ATP8B4: variants seen among roughly 807,000 people sequenced by gnomAD.
ATP8B4 encodes ATPase phospholipid transporting 8B4 (putative).
Under a neutral mutation model 145.6 loss-of-function variants are expected in ATP8B4, and 133 were observed. That is an observed-to-expected ratio of 0.91 (90% CI 0.79 to 1.05). ATP8B4 has a LOEUF of 1.05. Ranked by LOEUF, ATP8B4 falls within the 50% of genes least tolerant of loss-of-function variation. The pLI is 0.00. For missense variants in ATP8B4, 1,458 were observed against 1,425.2 expected (o/e 1.02, Z -0.37); for synonymous variants, 507 against 492.9 (o/e 1.03, Z -0.38).
chr15:50,086,044 T>TAA (rs2055005635), intron 2 of ATP8B4, among the ~76,000 whole-genome samples: 1 of 106,906 alleles, frequency 9.4e-6, no homozygotes, highest in Non-Finnish European at 1.7e-5. Context: ...TATAATATAA[T>TAA]ATATAGATCT....
At chr15:49,927,948 T>G (rs1226868436) in intron 16 of ATP8B4, among the ~76,000 whole-genome samples, 1 of 152,140 alleles carries the variant, frequency 6.6e-6, no homozygotes, top group African/African-American at 2.4e-5. Flanking sequence ...TAGTTTCTAG[T>G]AGTTAGAGAC....
At chr15:50,147,665 C>T (rs575831299) in intron 1 of ATP8B4, among the ~76,000 whole-genome samples, 1 of 152,020 alleles carries the variant, frequency 6.6e-6, no homozygotes, top group Non-Finnish European at 1.5e-5. Context: ...AAAAGCTGAT[C>T]GGGACCTGCC....
In ATP8B4 at chr15:49,862,318, G is replaced by T; in HGVS notation, c.3224C>A (p.Thr1075Lys). The change falls in exon 27 of 28, where the codon ACA (threonine) becomes AAA (lysine). Residue 1075 changes from threonine (T) to lysine (K), a missense_variant. Physicochemically the swap from Thr to Lys is moderately conservative, Grantham distance 78. Transcript: ENST00000284509. ...KCIWLVILLT[T>K]VASVMPVVAF... ...CACCACTGGCATAACTGAAGCCACT[G>T]TTGTTAAGAGAATTACAAGCCAGAT... is the stretch of plus-strand genomic sequence containing the variant. 2 of 1,613,838 alleles carry T rather than the reference G, an allele frequency of 1.2e-6. No individual in the cohort carries two copies. The highest frequency in any genetic ancestry group is 1.3e-5 in the African/African-American group (1 of 75,054).
chr15:49,972,176 A>G (rs1459707006), intron 13 of ATP8B4, among the ~76,000 whole-genome samples: 4 of 152,164 alleles, frequency 2.6e-5, no homozygotes, highest in Non-Finnish European at 5.9e-5. Context: ...AATGTAGACG[A>G]CGGGTTGATG....
At chr15:50,076,486 A>C (rs2054181917) in intron 2 of ATP8B4, among the ~76,000 whole-genome samples, 1 of 149,392 alleles carries the variant, frequency 6.7e-6, no homozygotes, top group Non-Finnish European at 1.5e-5. Context: ...GCAAGACTCC[A>C]TCTCAAAAAA....
In ATP8B4 at chr15:49,860,151, C is replaced by T. The variant is rs1479288152; in HGVS notation, c.*43G>A. 1.9e-6 allele frequency: 3 copies of T among 1,554,938 alleles called. No individual in the cohort carries two copies. Among genetic ancestry groups the T allele is most frequent in the African/African-American group, 2.7e-5 (2 of 73,000 alleles). ...TGGAGCCAGCAGAATTTCAGCTCCA[C>T]CTGAAGTGAAAAGATAACTACGTGG... On this transcript the variant is annotated 3_prime_UTR_variant, in exon 28 of 28. Transcript: ENST00000284509.
At chr15:49,947,689 G>A (rs1057396893) in intron 14 of ATP8B4, among the ~76,000 whole-genome samples, 3 of 152,070 alleles carry the variant, frequency 2.0e-5, no homozygotes, top group Non-Finnish European at 4.4e-5. Flanking sequence ...GAAGGACCAA[G>A]CTGGGGTCCT....
At chr15:50,031,568 G>GT (rs11301413) in intron 6 of ATP8B4, among the ~76,000 whole-genome samples, 12 of 151,768 alleles carry the variant, frequency 7.9e-5, no homozygotes, top group Non-Finnish European at 1.6e-4. Context: ...TGATCTTTGG[G>GT]TTTTTTTTTG....
In ATP8B4 at chr15:49,879,453, A is replaced by C. The variant is rs1192510930; in HGVS notation, c.2704T>G (p.Tyr902Asp). 2 of 1,602,838 alleles carry C rather than the reference A, an allele frequency of 1.2e-6. No individual in the cohort carries two copies. The highest frequency in any genetic ancestry group is 8.5e-7 in the Non-Finnish European group (1 of 1,171,418). The change falls in exon 24 of 28, where the codon TAT (tyrosine) becomes GAT (aspartate). Residue 902 changes from tyrosine to aspartate, a missense_variant. Coordinates refer to ENST00000284509, the MANE Select transcript of ATP8B4 (RefSeq NM_024837.4). ...AAAAGGGTGATGAACCACTGGTCAT[A>C]AACAGTCTGAAAAGAAATATAACAT... Reference protein sequence around the residue: ...FFCGFSAQTVYDQWFITLFNI... With the variant: ...FFCGFSAQTVDDQWFITLFNI...
intron 14 of ATP8B4, among the ~76,000 whole-genome samples, chr15:49,950,935 T>C: frequency 6.6e-6 from 1 of 152,218 alleles, no homozygotes; most frequent in Admixed American, 6.5e-5. Flanking sequence ...ACTTCTTGAT[T>C]TCTGCCTTAA....
At chr15:50,058,144 C>T (rs541157190) in intron 3 of ATP8B4, among the ~76,000 whole-genome samples, 1 of 152,302 alleles carries the variant, frequency 6.6e-6, no homozygotes, top group Non-Finnish European at 1.5e-5. Flanking sequence ...TGTTTGCCTC[C>T]TATCTCTGCT....
chr15:50,162,419 ATCTC>A (rs1399749196), intron 1 of ATP8B4, among the ~76,000 whole-genome samples: 8 of 151,922 alleles, frequency 5.3e-5, no homozygotes, highest in Non-Finnish European at 7.4e-5. Context: ...TTCCAGTACA[ATCTC>A]TCTATCTCCT....
In ATP8B4 at chr15:49,897,665, T is replaced by C. The variant is rs2037558035; in HGVS notation, c.2474-150A>G. 3 of 702,924 alleles carry C rather than the reference T, an allele frequency of 4.3e-6. No individual in the cohort carries two copies. The South Asian group carries it at 1.1e-4, about 27-fold the overall frequency. The allele number at this position is 702,924 out of a possible 1,614,324, so 43.5% of individuals were successfully genotyped here. ...TATCTGATGAAACACTTATGATAGA[T>C]ATTTCTCTTAGTTTTACAAAAGAGA... On this transcript the variant is annotated intron_variant, in intron 22 of 27. Coordinates refer to ENST00000284509, the MANE Select transcript of ATP8B4 (RefSeq NM_024837.4).
intron 1 of ATP8B4, among the ~76,000 whole-genome samples, chr15:50,174,165 T>C (rs2044729103): frequency 6.6e-6 from 1 of 152,158 alleles, no homozygotes; most frequent in East Asian, 1.9e-4. Flanking sequence ...AAGCCATCTA[T>C]GACAAACCCA....
chr15:50,071,162 G>A (rs2053708848), intron 3 of ATP8B4, among the ~76,000 whole-genome samples: 1 of 152,196 alleles, frequency 6.6e-6, no homozygotes, highest in African/African-American at 2.4e-5. Context: ...AGCCACACAT[G>A]TGCGTGCTTT....
intron 9 of ATP8B4, among the ~76,000 whole-genome samples, chr15:49,994,946 C>A (rs2153553483): frequency 6.6e-6 from 1 of 152,180 alleles, no homozygotes; most frequent in South Asian, 2.1e-4. Flanking sequence ...TTCATCTTAC[C>A]CTTAGCCCAG....
At chr15:50,072,870 T>C in intron 3 of ATP8B4, among the ~76,000 whole-genome samples, 1 of 144,314 alleles carries the variant, frequency 6.9e-6, no homozygotes, top group Non-Finnish European at 1.5e-5. Context: ...TCTGCCCACC[T>C]TGGCCTCCCA....
intron 3 of ATP8B4, among the ~76,000 whole-genome samples, chr15:50,057,049 G>T (rs2052662568): frequency 6.6e-6 from 1 of 152,052 alleles, no homozygotes. Flanking sequence ...TTTTACAAGT[G>T]AGGAACATGC....
chr15:50,076,888 T>A (rs887232864), intron 2 of ATP8B4, among the ~76,000 whole-genome samples: 1 of 152,200 alleles, frequency 6.6e-6, no homozygotes, highest in African/African-American at 2.4e-5. Flanking sequence ...TGAATTATCT[T>A]TGCAGGAATT....
Sources: gnomAD v4.1 joint callset for allele counts (sites outside exome capture counted in the v4.1 genomes callset) on GRCh38, gnomAD v4.1.1 for gene constraint, MANE v1.5 for transcripts, NCBI Gene and HGNC (gene_info 2026-07-23, HGNC 2026-07-21) for gene names.